Variants in DTHD1 observed in about 807,000 individuals in gnomAD.
DTHD1 encodes death domain-containing protein 1.
Under a neutral mutation model 74.8 loss-of-function variants are expected in DTHD1, and 59 were observed. That is an observed-to-expected ratio of 0.79 (90% confidence interval 0.64 to 0.98). DTHD1 has a LOEUF of 0.98. Ranked by LOEUF, DTHD1 falls within the 50% of genes least tolerant of loss-of-function variation. The probability of loss-of-function intolerance (pLI) is 0.00; values close to 1 mark genes in which losing one functional copy is unlikely to be tolerated. For missense variants in DTHD1, 1,051 were observed against 1,065.4 expected, an observed-to-expected ratio of 0.99 and a Z score of 0.19; for synonymous variants, 365 against 371.1, an observed-to-expected ratio of 0.98 and a Z score of 0.19.
At chr4:36,282,202 T>C (rs1254610906) in intron 1 of DTHD1, among the ~76,000 whole-genome samples, 173 bp downstream of exon 1, 2 of 152,146 alleles carry the variant, frequency 1.3e-5, no homozygotes, top group African/African-American at 4.8e-5. Context: ...GCCAGGGACA[T>C]TGGGGCCAGT....
intron 8 of DTHD1, among the ~76,000 whole-genome samples, chr4:36,330,832 C>T (rs995092716): frequency 7.2e-5 from 11 of 152,038 alleles, no homozygotes; most frequent in African/African-American, 2.4e-4. Context: ...CAGCACGAAG[C>T]TTTTATAGTA....
At chr4:36,343,131 G>C (rs1000867463) in intron 9 of DTHD1, among the ~76,000 whole-genome samples, 3 of 150,988 alleles carry the variant, frequency 2.0e-5, no homozygotes, top group Non-Finnish European at 4.4e-5. Context: ...CATGGTTGCG[G>C]ACCTCAGCAC....
Position 36,339,095 on chromosome 4 carries a change from T to A in DTHD1, c.2341-17T>A. ...AATTACTTCTTCTGTTTATTTTGTG[T>A]TCCTTTCCCCCAATAGCATAAGAAA... On this transcript the variant is annotated splice_polypyrimidine_tract_variant and intron_variant, in intron 8 of 9. Coordinates refer to ENST00000639862, the MANE Select transcript of DTHD1 (RefSeq NM_001170700.3). The A allele has an allele frequency of 1.3e-6, 2 of 1,540,312 alleles. No individual in the cohort carries two copies. The highest frequency in any genetic ancestry group is 1.8e-6 in the Non-Finnish European group (2 of 1,138,888).
At chr4:36,289,830 T>A (rs1409828029) in intron 2 of DTHD1, among the ~76,000 whole-genome samples, 1 of 152,104 alleles carries the variant, frequency 6.6e-6, no homozygotes, top group Non-Finnish European at 1.5e-5. Flanking sequence ...CTAATTACTA[T>A]GATTAATGAT....
chr4:36,309,437 C>T (rs1335475155), intron 7 of DTHD1, among the ~76,000 whole-genome samples: 1 of 152,198 alleles, frequency 6.6e-6, no homozygotes, highest in East Asian at 1.9e-4. Context: ...AGCCGAGATA[C>T]CTTGCTTGCT....
At chr4:36,294,745 G>C in intron 4 of DTHD1, 50 bp from the exon 5 acceptor site, 1 of 1,462,142 alleles carries the variant, frequency 6.8e-7, no homozygotes, top group Non-Finnish European at 9.0e-7. Flanking sequence ...TGTACCAATA[G>C]TTTGCATCTT....
intron 2 of DTHD1, 81 bp downstream of exon 2, chr4:36,284,672 T>C: frequency 9.3e-7 from 1 of 1,072,290 alleles, no homozygotes; most frequent in South Asian, 1.8e-5. Context: ...TCTTAGTTCA[T>C]TCAGGCTGCT....
chr4:36,329,410 A>C (rs1758540547), intron 8 of DTHD1, among the ~76,000 whole-genome samples: 1 of 152,190 alleles, frequency 6.6e-6, no homozygotes, highest in Admixed American at 6.5e-5. Flanking sequence ...TGGTGACATC[A>C]GCTCTTAGTT....
chr4:36,326,354 C>A (rs1033007565), intron 8 of DTHD1, among the ~76,000 whole-genome samples: 4 of 148,892 alleles, frequency 2.7e-5, no homozygotes, highest in Admixed American at 2.7e-4. Flanking sequence ...ATGATGAATA[C>A]CTACTAAATT....
chr4:36,311,358 G>T (rs1429491229), intron 7 of DTHD1: 1 of 152,098 alleles, frequency 6.6e-6, no homozygotes, highest in African/African-American at 2.4e-5. Flanking sequence ...ACCTCATCCT[G>T]GTAAAAGCAT....
intron 9 of DTHD1, among the ~76,000 whole-genome samples, chr4:36,341,898 C>A (rs138381292): frequency 3.0e-4 from 45 of 152,198 alleles, no homozygotes; most frequent in African/African-American, 1.0e-3. Flanking sequence ...GCATATTGAG[C>A]AGAAGCAAAG....
At position 36,284,012 on chromosome 4, in the gene DTHD1, C is replaced by T. The variant is rs1291682859; in HGVS notation, c.308C>T (p.Thr103Ile). The change falls in exon 2 of 10, where the codon ACT becomes ATT. Residue 103 changes from threonine (T) to isoleucine (I), a missense_variant. Transcript: ENST00000639862. ...ITFIDCLIKI[T>I]EHLGSTAALL... The stretch of plus-strand genomic sequence containing the variant: ...TTCATAGACTGCCTCATAAAAATAA[C>T]TGAACATTTGGGGAGCACTGCTGCA... 20 of 1,536,648 alleles carry T rather than the reference C, an allele frequency of 1.3e-5. No homozygotes were observed. Among genetic ancestry groups the T allele is most frequent in the Admixed American group, 5.9e-5 (3 of 50,944 alleles).
At chr4:36,288,954 G>A (rs1380718681) in intron 2 of DTHD1, among the ~76,000 whole-genome samples, 2 of 152,248 alleles carry the variant, frequency 1.3e-5, no homozygotes, top group Non-Finnish European at 2.9e-5. Context: ...GAATACTCAA[G>A]CAGAACAATG....
At chr4:36,333,067 G>A (rs1273360044) in intron 8 of DTHD1, among the ~76,000 whole-genome samples, 1 of 152,024 alleles carries the variant, frequency 6.6e-6, no homozygotes, top group Non-Finnish European at 1.5e-5. Context: ...GGGGAGTTAG[G>A]ATGGTTTTAC....
intron 8 of DTHD1, among the ~76,000 whole-genome samples, chr4:36,328,792 A>G (rs956811668): frequency 5.3e-5 from 8 of 152,240 alleles, no homozygotes; most frequent in African/African-American, 1.7e-4. Context: ...ACACTATATC[A>G]GCTACTGCCC....
rs34007292 is a variant in DTHD1, at chr4:36,313,417, G to GAA, written c.2096-2811_2096-2810dup. On this transcript the variant is annotated intron_variant, in intron 7 of 9. Transcript: ENST00000639862. ...TCCTTTAAATATGCCAGTGAGGGAG[G>GAA]AAAAAAAAAAAAAAACAGAGTAGTG... Among the ~76,000 whole-genome samples the GAA allele has an allele frequency of 6.0e-3, 862 of 144,286 alleles. 11 individuals are homozygous for GAA. Among genetic ancestry groups the GAA allele is most frequent in the Admixed American group, 0.034 (493 of 14,514 alleles). The allele number at this position is 144,286 out of a possible 152,430, so 94.7% of individuals were successfully genotyped here.
At position 36,346,171 on chromosome 4, in the gene DTHD1, C is replaced by T. The variant is rs775601432; in HGVS notation, c.*2347C>T. ...ACTTGTACACTCTCACAAATGTCCT[C>T]GTTCACATATACCCCACCTCCACAT... On this transcript the variant is annotated 3_prime_UTR_variant, in exon 10 of 10. Coordinates refer to ENST00000639862, the MANE Select transcript of DTHD1 (RefSeq NM_001170700.3). Among the ~76,000 whole-genome samples, 7 of 152,068 alleles carry T rather than the reference C, an allele frequency of 4.6e-5. No homozygotes were observed. The East Asian group carries it at 1.4e-3, about 29-fold the overall frequency.
intron 7 of DTHD1, among the ~76,000 whole-genome samples, chr4:36,315,982 C>A (rs536727439): frequency 1.3e-5 from 2 of 152,342 alleles, no homozygotes; most frequent in African/African-American, 4.8e-5. Context: ...AGCGCCCAGG[C>A]TGGAGTGCAG....
At position 36,293,665 on chromosome 4, in the gene DTHD1, C is replaced by T; in HGVS notation, c.1358C>T (p.Pro453Leu). The part of the protein sequence containing the change: ...SMDSRISLNY[P>L]PGVFTSPVLV... ...GATTCCCGAATATCCTTAAATTACC[C>T]TCCAGGAGTTTTTACCTCTCCAGTG... The change falls in exon 4 of 10, where the codon CCT (proline) becomes CTT (leucine). Residue 453 changes from proline (P) to leucine (L), a missense_variant. Transcript: ENST00000639862. The T allele has an allele frequency of 6.5e-7, 1 of 1,542,986 alleles. No individual in the cohort carries two copies. The highest frequency in any genetic ancestry group is 1.2e-5 in the South Asian group (1 of 82,858).
Sources: gnomAD v4.1 joint callset for allele counts (sites outside exome capture counted in the v4.1 genomes callset) on GRCh38, gnomAD v4.1.1 for gene constraint, MANE v1.5 for transcripts, NCBI Gene and HGNC (gene_info 2026-07-23, HGNC 2026-07-21) for gene names.